Variants in RORA observed in about 807,000 individuals in gnomAD.
The protein encoded by RORA is RAR related orphan receptor A.
A neutral mutation model predicts 69.5 loss-of-function variants in RORA; 7 were observed. The observed-to-expected ratio is 0.10, with a 90% CI of 0.06 to 0.19. RORA has a LOEUF of 0.19. RORA is among the 10% of genes least tolerant of loss of function. RORA has a pLI of 1.00. For synonymous variants in RORA, 261 were observed against 240.8 expected (o/e 1.08, Z -0.78); for missense variants, 457 against 663.0 (o/e 0.69, Z 3.41).
chr15:61,159,964 G>A (rs1442131486), intron 1 of RORA, among the ~76,000 whole-genome samples: 1 of 152,174 alleles, frequency 6.6e-6, no homozygotes, highest in Non-Finnish European at 1.5e-5. Context: ...TCAAACGATT[G>A]GGTAGTGGAC....
intron 1 of RORA, among the ~76,000 whole-genome samples, chr15:60,855,897 G>C (rs1208187449): frequency 6.6e-6 from 1 of 152,186 alleles, no homozygotes; most frequent in African/African-American, 2.4e-5. Flanking sequence ...TTACAGGTGT[G>C]AGCCATCGCA....
chr15:61,067,834 A>T (rs900911249), intron 1 of RORA, among the ~76,000 whole-genome samples: 1 of 152,198 alleles, frequency 6.6e-6, no homozygotes, highest in African/African-American at 2.4e-5. Flanking sequence ...AAGATACTAA[A>T]TGCGTTTGCC....
chr15:61,180,465 A>G (rs372935183), intron 1 of RORA, among the ~76,000 whole-genome samples: 3 of 152,212 alleles, frequency 2.0e-5, no homozygotes, highest in African/African-American at 7.2e-5. Context: ...GTGCGGACCA[A>G]TTAGTTACCT....
intron 1 of RORA, among the ~76,000 whole-genome samples, chr15:60,692,184 T>C (rs993548287): frequency 6.6e-6 from 1 of 152,242 alleles, no homozygotes; most frequent in African/African-American, 2.4e-5. Context: ...TCAGTTGGAA[T>C]AGTAGTTTGG....
intron 1 of RORA, among the ~76,000 whole-genome samples, chr15:61,040,113 GAT>G (rs60830259): frequency 0.08 from 3,649 of 45,356 alleles, 100 homozygotes; most frequent in African/African-American, 0.096. Flanking sequence ...CACAAGCTTT[GAT>G]ATATATATAT....
intron 1 of RORA, chr15:60,847,706 T>TA (rs968387777): frequency 1.3e-5 from 2 of 152,192 alleles, no homozygotes; most frequent in African/African-American, 4.8e-5. Flanking sequence ...ATCGTATTAA[T>TA]AAGTTTTCCA....
At chr15:60,873,263 CTGTGTGTGTGTGTCTG>C (rs1567221219) in intron 1 of RORA, among the ~76,000 whole-genome samples, 2 of 123,508 alleles carry the variant, frequency 1.6e-5, no homozygotes, top group Non-Finnish European at 3.9e-5. Flanking sequence ...GTGTGTGTGT[CTGTGTGTGTGTGTCTG>C]TGTGTGTGTG....
intron 2 of RORA, among the ~76,000 whole-genome samples, chr15:60,656,450 A>G (rs1177317314): frequency 6.6e-6 from 1 of 152,250 alleles, no homozygotes; most frequent in Non-Finnish European, 1.5e-5. Flanking sequence ...CAAAGTAAAC[A>G]GCAGTATGCT....
At chr15:60,970,283 A>G (rs1200797197) in intron 1 of RORA, among the ~76,000 whole-genome samples, 5 of 152,216 alleles carry the variant, frequency 3.3e-5, no homozygotes, top group Admixed American at 3.3e-4. Context: ...GAAACAAAGT[A>G]CTCAGCATGC....
intron 1 of RORA, among the ~76,000 whole-genome samples, chr15:60,684,761 A>C (rs1479255831): frequency 6.6e-6 from 1 of 152,204 alleles, no homozygotes; most frequent in East Asian, 1.9e-4. Context: ...GAATTGGCCC[A>C]ACTCATGTCT....
At chr15:61,212,622 C>A (rs920030663) in intron 1 of RORA, among the ~76,000 whole-genome samples, 1 of 152,092 alleles carries the variant, frequency 6.6e-6, no homozygotes, top group Non-Finnish European at 1.5e-5. Context: ...GAACTCCTGA[C>A]CTCAGGTGAT....
chr15:60,900,879 A>G (rs537385033), intron 1 of RORA, among the ~76,000 whole-genome samples: 3 of 147,522 alleles, frequency 2.0e-5, no homozygotes, highest in African/African-American at 8.1e-5. Context: ...CTCAAAAAAA[A>G]TAAAAAATAA....
intron 1 of RORA, among the ~76,000 whole-genome samples, chr15:60,816,050 C>G (rs955024430): frequency 4.3e-4 from 56 of 129,056 alleles, no homozygotes; most frequent in Middle Eastern, 5.6e-3. Flanking sequence ...ACTATAAAAA[C>G]TATATGTATT....
At chr15:60,909,508 C>A (rs558456169) in intron 1 of RORA, among the ~76,000 whole-genome samples, 17 of 152,156 alleles carry the variant, frequency 1.1e-4, no homozygotes, top group Non-Finnish European at 2.2e-4. Context: ...TGAACCCTCA[C>A]ACACATAAAT....
At chr15:60,979,200 G>A (rs1229449983) in intron 1 of RORA, among the ~76,000 whole-genome samples, 3 of 149,896 alleles carry the variant, frequency 2.0e-5, no homozygotes, top group Non-Finnish European at 3.0e-5. Context: ...TCCTGACCTC[G>A]TGATGCACCC....
intron 1 of RORA, among the ~76,000 whole-genome samples, chr15:60,866,897 GCT>G (rs1210207978): frequency 6.6e-6 from 1 of 151,320 alleles, no homozygotes; most frequent in Non-Finnish European, 1.5e-5. Context: ...TCAGAATCTT[GCT>G]CTGTCATCCA....
At chr15:61,228,215 C>A (rs889764824) in intron 1 of RORA, among the ~76,000 whole-genome samples, 1 of 152,298 alleles carries the variant, frequency 6.6e-6, no homozygotes, top group Non-Finnish European at 1.5e-5. Context: ...TCGGTGCTTG[C>A]TTTTGTAGAC....
At chr15:60,617,196 G>C (rs34179363) in intron 2 of RORA, among the ~76,000 whole-genome samples, 14,977 of 152,226 alleles carry the variant, frequency 0.098, 781 homozygotes, top group Non-Finnish European at 0.12. Context: ...TATAGTCACA[G>C]AACCCATCAC....
At position 60,785,258 on chromosome 15, in the gene RORA, C is replaced by T. The variant is rs569286129; in HGVS notation, c.167-106572G>A. Among the ~76,000 whole-genome samples the T allele has an allele frequency of 2.6e-5, 4 of 152,320 alleles. No homozygotes were observed. In the East Asian group the frequency reaches 7.7e-4, roughly 29 times the overall value. ...CATCAGTGAGCATCTTTCTAACAGG[C>T]TTGATCCATGCCCTCAGATGGTCTA... On this transcript the variant is annotated intron_variant, in intron 1 of 10. Coordinates refer to ENST00000335670, the MANE Select transcript of RORA (RefSeq NM_134261.3).
Sources: gnomAD v4.1 joint callset for allele counts (sites outside exome capture counted in the v4.1 genomes callset) on GRCh38, gnomAD v4.1.1 for gene constraint, MANE v1.5 for transcripts, NCBI Gene and HGNC (gene_info 2026-07-23, HGNC 2026-07-21) for gene names.